MTUS1: variants seen among roughly 807,000 people sequenced by gnomAD.
MTUS1 encodes microtubule associated scaffold protein 1, also known as microtubule-associated tumor suppressor 1.
A neutral mutation model predicts 120.8 loss-of-function variants in MTUS1; 109 were observed. The observed-to-expected ratio is 0.90, with a 90% CI of 0.77 to 1.06. The LOEUF (loss-of-function observed/expected upper bound fraction) is 1.06, where lower values mean the gene tolerates loss of function less well. Ranked by LOEUF, MTUS1 falls within the 50% of genes least tolerant of loss-of-function variation. The pLI, the probability that MTUS1 is intolerant of heterozygous loss-of-function variation, is 0.00. For synonymous variants in MTUS1, 737 were observed against 550.5 expected, an observed-to-expected ratio of 1.34 and a Z score of -4.74; for missense variants, 2,210 against 1,486.3, an observed-to-expected ratio of 1.49 and a Z score of -8.01.
chr8:17,720,447 G>C (rs1209936112), intron 4 of MTUS1, among the ~76,000 whole-genome samples: 1 of 152,022 alleles, frequency 6.6e-6, no homozygotes, highest in Non-Finnish European at 1.5e-5. Context: ...GTCAGTGAAG[G>C]TGAAGGGAAA....
intron 1 of MTUS1, among the ~76,000 whole-genome samples, chr8:17,773,426 G>A (rs554293105): frequency 2.0e-5 from 3 of 152,070 alleles, no homozygotes; most frequent in African/African-American, 4.8e-5. Flanking sequence ...GCAAATCTAG[G>A]GTAAGATACC....
rs1186795696 is a variant in MTUS1 at position 17,755,265 on chromosome 8, A to C, written c.543T>G (p.Ser181Arg). The C allele has an allele frequency of 3.1e-6, 5 of 1,614,062 alleles. No individual in the cohort carries two copies. Among genetic ancestry groups the C allele is most frequent in the Non-Finnish European group, 4.2e-6 (5 of 1,179,988 alleles). The change falls in exon 2 of 15, where the codon AGT becomes AGG. Residue 181 changes from serine (S) to arginine (R), a missense_variant. Coordinates refer to ENST00000693296, the MANE Select transcript of MTUS1 (RefSeq NM_001363059.2). ...TFISHHAIGKSQSFHTAGSLP... is the reference protein window; with the variant it reads ...TFISHHAIGKRQSFHTAGSLP... ...GGCTTCCAGCAGTATGGAAGGACTG[A>C]CTCTTTCCGATGGCATGATGTGATA...
chr8:17,800,003 C>T (rs1439407183), intron 1 of MTUS1, among the ~76,000 whole-genome samples: 2 of 152,144 alleles, frequency 1.3e-5, no homozygotes, highest in African/African-American at 4.8e-5. Flanking sequence ...AGGACATCAC[C>T]ATTTTAAGTT....
chr8:17,713,104 T>A (rs1585885572), intron 6 of MTUS1, 110 bp downstream of exon 6: 2 of 891,578 alleles, frequency 2.2e-6, no homozygotes, highest in Admixed American at 4.7e-5. Context: ...ACACCTCAAA[T>A]TGGAAATTCT....
intron 3 of MTUS1, among the ~76,000 whole-genome samples, chr8:17,731,859 A>G (rs1204503751): frequency 2.6e-5 from 4 of 152,228 alleles, no homozygotes; most frequent in African/African-American, 9.6e-5. Context: ...TGGTGAGCCA[A>G]CTGTCATTCC....
chr8:17,712,926 G>C (rs73204296), intron 6 of MTUS1, among the ~76,000 whole-genome samples: 5,061 of 152,190 alleles, frequency 0.033, 117 homozygotes, highest in Non-Finnish European at 0.052. Flanking sequence ...AAATAGCATT[G>C]ATCTTGGGGG....
rs1156792203 is a variant in MTUS1, at chr8:17,697,153, T to C, written c.2624-12611A>G. 4.2e-6 allele frequency: 6 copies of C among 1,418,406 alleles called. No homozygotes were observed. In the South Asian group the frequency reaches 4.9e-5, roughly 12 times the overall value. The allele number at this position is 1,418,406 out of a possible 1,614,324, so 87.9% of individuals were successfully genotyped here. A position where few individuals can be genotyped will look rare whatever the true frequency, so the allele number is the denominator to read the frequency against. On this transcript the variant is annotated intron_variant, in intron 6 of 14. Coordinates refer to ENST00000693296, the MANE Select transcript of MTUS1 (RefSeq NM_001363059.2). ...TCATCTCTCATTAGAGAGAGCTTTTTTCCTCCAATTATCTGTCTCCTTGGA... is the reference window on the plus strand; with the variant it reads ...TCATCTCTCATTAGAGAGAGCTTTTCTCCTCCAATTATCTGTCTCCTTGGA...
intron 1 of MTUS1, among the ~76,000 whole-genome samples, chr8:17,760,537 C>T (rs1294775842): frequency 6.6e-6 from 1 of 152,152 alleles, no homozygotes; most frequent in African/African-American, 2.4e-5. Context: ...GACCGGCCTT[C>T]GCTCAGGAGT....
At chr8:17,710,587 A>T (rs978206816) in intron 6 of MTUS1, among the ~76,000 whole-genome samples, 1 of 152,166 alleles carries the variant, frequency 6.6e-6, no homozygotes, top group Non-Finnish European at 1.5e-5. Context: ...CCTCAAAGTC[A>T]TCCATGACGG....
In MTUS1 at chr8:17,656,799, C is replaced by T. The variant is rs980288675; in HGVS notation, c.2906-734G>A. On this transcript the variant is annotated intron_variant, in intron 8 of 14. Coordinates refer to ENST00000693296, the MANE Select transcript of MTUS1 (RefSeq NM_001363059.2). Reference sequence around the variant, plus strand: ...AAGAAACAAGTGGACCGGCCGGGCGCGGTGGCTCACGCCTGTAATCCCAGC... The same window carrying T: ...AAGAAACAAGTGGACCGGCCGGGCGTGGTGGCTCACGCCTGTAATCCCAGC... 5.9e-5 allele frequency among the ~76,000 whole-genome samples: 9 copies of T among 151,642 alleles called. 1 individual carries two copies. The highest frequency in any genetic ancestry group is 6.9e-3 in the Middle Eastern group (2 of 288).
chr8:17,739,208 C>T (rs144783361), intron 3 of MTUS1, among the ~76,000 whole-genome samples: 59 of 152,088 alleles, frequency 3.9e-4, no homozygotes, highest in African/African-American at 1.3e-3. Flanking sequence ...AAAAATAAAA[C>T]TCAGGCCAGG....
chr8:17,795,779 T>A (rs2052176439), intron 1 of MTUS1, among the ~76,000 whole-genome samples: 1 of 146,528 alleles, frequency 6.8e-6, no homozygotes, highest in Non-Finnish European at 1.5e-5. Flanking sequence ...AGCGGGGATA[T>A]AAGCACCCAC....
At chr8:17,742,686 C>A (rs565230501) in intron 3 of MTUS1, among the ~76,000 whole-genome samples, 1 of 152,230 alleles carries the variant, frequency 6.6e-6, no homozygotes, top group South Asian at 2.1e-4. Flanking sequence ...TAAAACATTT[C>A]TAAGCATTAC....
intron 3 of MTUS1, among the ~76,000 whole-genome samples, chr8:17,741,098 C>T (rs887968792): frequency 6.6e-6 from 1 of 152,144 alleles, no homozygotes; most frequent in Admixed American, 6.5e-5. Flanking sequence ...AGGCTGGTCT[C>T]AAACTCCTGA....
intron 1 of MTUS1, among the ~76,000 whole-genome samples, chr8:17,777,917 T>A (rs947339269): frequency 5.3e-5 from 8 of 152,242 alleles, no homozygotes; most frequent in African/African-American, 1.9e-4. Flanking sequence ...CAACTATTTA[T>A]AAATTATGCA....
intron 8 of MTUS1, among the ~76,000 whole-genome samples, chr8:17,660,350 G>C (rs1325265138): frequency 6.6e-6 from 1 of 152,152 alleles, no homozygotes; most frequent in Non-Finnish European, 1.5e-5. Context: ...TCCAGCCTGG[G>C]TGACAGAGCA....
chr8:17,726,052 C>T lies in MTUS1; in HGVS notation c.2288-2219G>A, dbSNP rs565460694. ...CTTCGTGGTTTCTCTCCAGTCATTTCGCTCTATTCTTCTGCTTACGCCCAT... is the reference window on the plus strand; with the variant it reads ...CTTCGTGGTTTCTCTCCAGTCATTTTGCTCTATTCTTCTGCTTACGCCCAT... On this transcript the variant is annotated intron_variant, in intron 3 of 14. Coordinates refer to ENST00000693296, the MANE Select transcript of MTUS1 (RefSeq NM_001363059.2). 1.1e-4 allele frequency among the ~76,000 whole-genome samples: 17 copies of T among 152,280 alleles called. No homozygotes were observed. In the South Asian group the frequency reaches 1.2e-3, roughly 11 times the overall value.
chr8:17,676,575 C>A (rs1323472390), intron 7 of MTUS1: 4 of 550,028 alleles, frequency 7.3e-6, no homozygotes, highest in Non-Finnish European at 1.3e-5. Context: ...AAAGCCACAG[C>A]CTTTCATTTA....
chr8:17,754,819 T>G lies in MTUS1; in HGVS notation c.989A>C (p.His330Pro). The change falls in exon 2 of 15, where the codon CAC (histidine) becomes CCC (proline). Residue 330 changes from histidine to proline, a missense_variant. By Grantham distance (77) the His-to-Pro change is moderately conservative. Transcript: ENST00000693296. ...SEPHSQSSYR[H>P]KEMGQNLRET... ...TCTCAGATTTTGGCCCATTTCCTTGTGCCTGTATGAGCTCTGTGAATGTGG... is the reference window on the plus strand; with the variant it reads ...TCTCAGATTTTGGCCCATTTCCTTGGGCCTGTATGAGCTCTGTGAATGTGG... 2 of 1,614,242 alleles carry G rather than the reference T, an allele frequency of 1.2e-6. No individual in the cohort carries two copies. Among genetic ancestry groups the G allele is most frequent in the Non-Finnish European group, 1.7e-6 (2 of 1,180,046 alleles).
Sources: gnomAD v4.1 joint callset for allele counts (sites outside exome capture counted in the v4.1 genomes callset) on GRCh38, gnomAD v4.1.1 for gene constraint, MANE v1.5 for transcripts, NCBI Gene and HGNC (gene_info 2026-07-23, HGNC 2026-07-21) for gene names.